Variants in GRXCR1 observed in about 807,000 individuals in gnomAD.
GRXCR1 encodes the protein glutaredoxin domain-containing cysteine-rich protein 1.
A neutral mutation model predicts 27.3 loss-of-function variants in GRXCR1; 27 were observed. That is an observed-to-expected ratio of 0.99 (90% CI 0.73 to 1.37). GRXCR1 has a LOEUF of 1.37. Among genes scored for constraint, GRXCR1 ranks in the 40% most tolerant of loss-of-function variants. The pLI is 0.00. For missense variants in GRXCR1, 379 were observed against 354.4 expected (o/e 1.07, Z -0.56); for synonymous variants, 122 against 131.1 (o/e 0.93, Z 0.47).
In GRXCR1 at chr4:42,893,211, G is replaced by A; in HGVS notation, c.-56G>A. The A allele has an allele frequency of 5.0e-6, 8 of 1,604,074 alleles. No homozygotes were observed. The highest frequency in any genetic ancestry group is 6.0e-6 in the Non-Finnish European group (7 of 1,172,340). ...ATATTGCTATCTGGCAAGTGGACTAGTGCAGTAACAACGGGTCCAGAATGC... is the reference window on the plus strand; with the variant it reads ...ATATTGCTATCTGGCAAGTGGACTAATGCAGTAACAACGGGTCCAGAATGC... On this transcript the variant is annotated 5_prime_UTR_variant, in exon 1 of 4. In the 5' UTR this introduces an upstream ATG that the reference lacks. Transcript: ENST00000399770.
chr4:42,970,609 A>T (rs1313789754), intron 2 of GRXCR1, among the ~76,000 whole-genome samples: 3 of 152,070 alleles, frequency 2.0e-5, no homozygotes, highest in Non-Finnish European at 4.4e-5. Flanking sequence ...AGTTGCTGGG[A>T]TGTAGAGCAA....
chr4:42,898,246 A>C (rs1746392224), intron 1 of GRXCR1, among the ~76,000 whole-genome samples: 1 of 134,202 alleles, frequency 7.5e-6, no homozygotes, highest in Admixed American at 7.8e-5. Flanking sequence ...TTTATTGAAC[A>C]TTTGATCTTC....
rs1170665560 is a variant in GRXCR1, at chr4:42,900,478, AAGTT to A, written c.384+6831_384+6834del. Among the ~76,000 whole-genome samples the A allele has an allele frequency of 2.2e-4, 34 of 152,290 alleles. 1 individual carries two copies. Among genetic ancestry groups the A allele is most frequent in the African/African-American group, 8.2e-4 (34 of 41,562 alleles). ...CCCTTTTTTTGATTCTTAAATAACA[AAGTT>A]AGGCTATGAAATAATTAGTTGCTTC... On this transcript the variant is annotated intron_variant, in intron 1 of 3. Coordinates refer to ENST00000399770, the MANE Select transcript of GRXCR1 (RefSeq NM_001080476.3).
chr4:42,996,358 A>C (rs1220537546), intron 2 of GRXCR1, among the ~76,000 whole-genome samples: 3 of 152,190 alleles, frequency 2.0e-5, no homozygotes, highest in African/African-American at 7.2e-5. Flanking sequence ...AGCTTTGGTT[A>C]CAAAATGACA....
At chr4:42,992,350 T>G (rs972500789) in intron 2 of GRXCR1, among the ~76,000 whole-genome samples, 1 of 152,158 alleles carries the variant, frequency 6.6e-6, no homozygotes, top group Non-Finnish European at 1.5e-5. Flanking sequence ...GGATAATCAT[T>G]TTGTATTAAT....
At chr4:42,934,489 C>T (rs908535819) in intron 1 of GRXCR1, among the ~76,000 whole-genome samples, 3 of 151,550 alleles carry the variant, frequency 2.0e-5, no homozygotes, top group Admixed American at 6.6e-5. Flanking sequence ...TAATATAATT[C>T]CATGTGAATT....
At chr4:42,972,543 A>G (rs748563953) in intron 2 of GRXCR1, among the ~76,000 whole-genome samples, 7 of 152,134 alleles carry the variant, frequency 4.6e-5, no homozygotes, top group Non-Finnish European at 8.8e-5. Flanking sequence ...ATAACTCAGG[A>G]TAGTTTTTAG....
At chr4:42,940,068 G>C (rs1011338878) in intron 1 of GRXCR1, among the ~76,000 whole-genome samples, 1 of 152,092 alleles carries the variant, frequency 6.6e-6, no homozygotes, top group East Asian at 1.9e-4. Flanking sequence ...ACTGAACAGT[G>C]ATTATTCTAT....
intron 2 of GRXCR1, among the ~76,000 whole-genome samples, chr4:42,964,861 G>T (rs1048410287): frequency 5.3e-5 from 8 of 152,018 alleles, no homozygotes; most frequent in African/African-American, 1.9e-4. Context: ...ACAAAGAAGG[G>T]ATCTGATAAA....
chr4:42,999,999 C>T (rs1038342939), intron 2 of GRXCR1, among the ~76,000 whole-genome samples: 29 of 152,186 alleles, frequency 1.9e-4, no homozygotes, highest in African/African-American at 6.8e-4. Flanking sequence ...TACTCACAGT[C>T]AACTGCAGTT....
intron 1 of GRXCR1, among the ~76,000 whole-genome samples, chr4:42,953,063 C>T (rs1172258519): frequency 6.6e-6 from 1 of 152,030 alleles, no homozygotes; most frequent in African/African-American, 2.4e-5. Context: ...ATCCAAAAAG[C>T]CAGCCAATGG....
chr4:42,917,757 G>A (rs989515395), intron 1 of GRXCR1, among the ~76,000 whole-genome samples: 6 of 152,056 alleles, frequency 3.9e-5, no homozygotes, highest in Admixed American at 2.0e-4. Context: ...GGGCTATTAA[G>A]TACAAACCAT....
intron 1 of GRXCR1, among the ~76,000 whole-genome samples, chr4:42,942,388 A>G (rs1747645384): frequency 6.6e-6 from 1 of 152,062 alleles, no homozygotes; most frequent in African/African-American, 2.4e-5. Flanking sequence ...CCTGAACCTG[A>G]CTCACTGTTA....
intron 2 of GRXCR1, among the ~76,000 whole-genome samples, chr4:42,983,374 G>A (rs1377191278): frequency 4.0e-5 from 6 of 149,016 alleles, no homozygotes; most frequent in East Asian, 2.0e-4. Flanking sequence ...GTAGATATGC[G>A]GCGTTATTTC....
intron 3 of GRXCR1, among the ~76,000 whole-genome samples, chr4:43,021,367 C>T (rs900493352): frequency 1.2e-4 from 19 of 152,250 alleles, no homozygotes; most frequent in Middle Eastern, 3.4e-3. Context: ...CCTTTGAATT[C>T]CTATAACCCT....
chr4:42,904,047 A>C (rs747227275), intron 1 of GRXCR1, among the ~76,000 whole-genome samples: 4 of 152,220 alleles, frequency 2.6e-5, no homozygotes, highest in Non-Finnish European at 4.4e-5. Context: ...TCCTCCATGT[A>C]GGAATGGACA....
chr4:42,902,259 T>A (rs1312945929), intron 1 of GRXCR1, among the ~76,000 whole-genome samples: 2 of 152,124 alleles, frequency 1.3e-5, no homozygotes, highest in Non-Finnish European at 2.9e-5. Flanking sequence ...ATATTATACA[T>A]CAATAAAGTT....
intron 1 of GRXCR1, among the ~76,000 whole-genome samples, chr4:42,937,135 A>G (rs899528815): frequency 6.6e-6 from 1 of 151,942 alleles, no homozygotes; most frequent in Non-Finnish European, 1.5e-5. Context: ...TCATTTATGT[A>G]TATCAGTGTG....
intron 3 of GRXCR1, 80 bp from the exon 4 acceptor site, chr4:43,030,281 C>A: frequency 7.6e-7 from 1 of 1,322,586 alleles, no homozygotes; most frequent in Non-Finnish European, 1.1e-6. Flanking sequence ...ACTCACAGTT[C>A]AGAAAGACCG....
Sources: allele counts gnomAD v4.1 joint callset (sites outside exome capture counted in the v4.1 genomes callset), GRCh38; gene constraint gnomAD v4.1.1; transcripts MANE v1.5; gene names NCBI Gene and HGNC (gene_info 2026-07-23, HGNC 2026-07-21).